SKAP1: variants seen among roughly 807,000 people sequenced by gnomAD.
SKAP1 encodes the protein src kinase associated phosphoprotein 1, also known as src kinase-associated phosphoprotein 1.
Under a neutral mutation model 58.5 loss-of-function variants are expected in SKAP1, and 44 were observed. The observed-to-expected ratio is 0.75, with a 90% CI of 0.59 to 0.97. The LOEUF is 0.97. SKAP1 is among the 50% of genes least tolerant of loss of function. SKAP1 has a pLI of 0.00. For missense variants in SKAP1, 390 were observed against 435.2 expected, an observed-to-expected ratio of 0.90 and a Z score of 0.92; for synonymous variants, 127 against 149.7, an observed-to-expected ratio of 0.85 and a Z score of 1.11.
At chr17:48,214,789 G>A (rs1013433768) in intron 4 of SKAP1, among the ~76,000 whole-genome samples, 2 of 151,610 alleles carry the variant, frequency 1.3e-5, no homozygotes, top group Admixed American at 1.3e-4. Flanking sequence ...AGGCATAGTG[G>A]TGCGTGCCTG....
chr17:48,247,694 C>G (rs2143855416), intron 4 of SKAP1, among the ~76,000 whole-genome samples: 1 of 152,124 alleles, frequency 6.6e-6, no homozygotes, highest in East Asian at 1.9e-4. Flanking sequence ...CATCCTTTTT[C>G]CCCCAGTAAA....
chr17:48,264,727 A>G (rs1219920101), intron 4 of SKAP1, among the ~76,000 whole-genome samples: 1 of 148,840 alleles, frequency 6.7e-6, no homozygotes, highest in Non-Finnish European at 1.5e-5. Context: ...TTAAACTTAC[A>G]TTTAATCAAA....
At chr17:48,384,295 C>T (rs1420438165) in intron 2 of SKAP1, among the ~76,000 whole-genome samples, 2 of 152,092 alleles carry the variant, frequency 1.3e-5, no homozygotes, top group African/African-American at 4.8e-5. Context: ...CTTGGGAGCC[C>T]AGGCCTAGAG....
At chr17:48,396,573 A>G (rs1207590805) in intron 2 of SKAP1, 107 bp downstream of exon 2, 1 of 629,262 alleles carries the variant, frequency 1.6e-6, no homozygotes, top group African/African-American at 1.9e-5. Flanking sequence ...GTTTCTGCCA[A>G]GTATAAAGAA....
chr17:48,416,002 G>A (rs984836295), intron 1 of SKAP1, among the ~76,000 whole-genome samples: 1 of 152,166 alleles, frequency 6.6e-6, no homozygotes, highest in Non-Finnish European at 1.5e-5. Context: ...TCTTCTCTAG[G>A]TATAATACTT....
intron 4 of SKAP1, chr17:48,193,847 C>T (rs970450714): frequency 9.1e-6 from 5 of 551,022 alleles, no homozygotes; most frequent in Admixed American, 1.3e-4. Flanking sequence ...CTTTAAAGGA[C>T]GGTTATAAAA....
At chr17:48,190,379 T>G (rs2064524874) in intron 4 of SKAP1, among the ~76,000 whole-genome samples, 2 of 152,180 alleles carry the variant, frequency 1.3e-5, no homozygotes, top group South Asian at 4.1e-4. Context: ...CCCAAAGTGC[T>G]GGGATTACAG....
At chr17:48,368,394 C>A (rs1173600113) in intron 2 of SKAP1, among the ~76,000 whole-genome samples, 1 of 152,156 alleles carries the variant, frequency 6.6e-6, no homozygotes, top group Non-Finnish European at 1.5e-5. Context: ...GCCAGAGAGT[C>A]CAACAAGTCT....
intron 4 of SKAP1, among the ~76,000 whole-genome samples, chr17:48,218,900 C>T (rs780118294): frequency 2.0e-5 from 3 of 151,838 alleles, no homozygotes; most frequent in Non-Finnish European, 2.9e-5. Flanking sequence ...AAAAAACCCT[C>T]ATGGGGTGGC....
chr17:48,336,373 T>C (rs1598584857), intron 4 of SKAP1, among the ~76,000 whole-genome samples: 1 of 151,960 alleles, frequency 6.6e-6, no homozygotes, highest in East Asian at 1.9e-4. Flanking sequence ...GAATGGAAAA[T>C]ATCAAGCAGT....
At chr17:48,220,430 A>G (rs2064988379) in intron 4 of SKAP1, among the ~76,000 whole-genome samples, 1 of 152,224 alleles carries the variant, frequency 6.6e-6, no homozygotes, top group African/African-American at 2.4e-5. Context: ...ATGCTAAATG[A>G]AAGAGTCCAG....
At chr17:48,221,957 A>G (rs907016846) in intron 4 of SKAP1, among the ~76,000 whole-genome samples, 2 of 152,166 alleles carry the variant, frequency 1.3e-5, no homozygotes, top group African/African-American at 2.4e-5. Context: ...AGAAAGCCCA[A>G]TTGGTTAACA....
chr17:48,271,445 C>G (rs368520612), intron 4 of SKAP1, among the ~76,000 whole-genome samples: 1 of 148,378 alleles, frequency 6.7e-6, no homozygotes, highest in East Asian at 2.0e-4. Context: ...CAGCTCACTG[C>G]AGCCTTGGCC....
At chr17:48,174,191 C>T (rs560290448) in intron 9 of SKAP1, among the ~76,000 whole-genome samples, 11 of 152,204 alleles carry the variant, frequency 7.2e-5, no homozygotes, top group East Asian at 1.9e-4. Flanking sequence ...TATCATTCAC[C>T]GCCATTACTA....
At chr17:48,394,155 C>T (rs1184056205) in intron 2 of SKAP1, among the ~76,000 whole-genome samples, 1 of 151,794 alleles carries the variant, frequency 6.6e-6, no homozygotes, top group Non-Finnish European at 1.5e-5. Flanking sequence ...CCCAGGAGGT[C>T]GAGGCTGCAG....
At chr17:48,354,670 T>C (rs151025082) in intron 3 of SKAP1, among the ~76,000 whole-genome samples, 97 of 152,340 alleles carry the variant, frequency 6.4e-4, no homozygotes, top group African/African-American at 2.3e-3. Context: ...TTTCCTGTGC[T>C]AGTGATACTT....
chr17:48,402,913 A>C (rs962848154), intron 1 of SKAP1, among the ~76,000 whole-genome samples: 1 of 152,146 alleles, frequency 6.6e-6, no homozygotes, highest in Non-Finnish European at 1.5e-5. Flanking sequence ...AGGAAGAGGG[A>C]TTGGAGAGTG....
chr17:48,182,299 A>G (rs1329082804), intron 8 of SKAP1, 95 bp downstream of exon 8: 2 of 902,066 alleles, frequency 2.2e-6, no homozygotes, highest in East Asian at 2.5e-5. Context: ...GAAAGGGCAG[A>G]AAAAATACAT....
intron 4 of SKAP1, among the ~76,000 whole-genome samples, chr17:48,340,393 A>G (rs2066635574): frequency 6.6e-6 from 1 of 152,140 alleles, no homozygotes; most frequent in South Asian, 2.1e-4. Flanking sequence ...TATATCTACA[A>G]TTGTAATTGG....
Sources: gnomAD v4.1 joint callset for allele counts (sites outside exome capture counted in the v4.1 genomes callset) on GRCh38, gnomAD v4.1.1 for gene constraint, MANE v1.5 for transcripts, NCBI Gene and HGNC (gene_info 2026-07-23, HGNC 2026-07-21) for gene names.